Variants in OSBPL2 observed in about 807,000 individuals in gnomAD.
OSBPL2 encodes oxysterol-binding protein-related protein 2.
In OSBPL2, 18 loss-of-function variants were observed where a neutral mutation model predicts 58.4. The observed-to-expected ratio is 0.31, with a 90% confidence interval of 0.21 to 0.46. The LOEUF (loss-of-function observed/expected upper bound fraction) is 0.46. OSBPL2 is among the 20% of genes least tolerant of loss of function. The pLI, the probability that OSBPL2 is intolerant of heterozygous loss-of-function variation, is 1.00. For missense variants in OSBPL2, 461 were observed against 616.5 expected, an observed-to-expected ratio of 0.75 and a Z score of 2.67; for synonymous variants, 221 against 234.1, an observed-to-expected ratio of 0.94 and a Z score of 0.51.
At position 62,279,169 on chromosome 20, in the gene OSBPL2, A is replaced by G. The variant is rs1216111309; in HGVS notation, c.504A>G (p.Gly168=). ...TTCTTTGACCTAGGGAAGATTTAGG[A>G]TTCAGATTTATATCGGAACAGGTCA... ...ETYELIREDL[G]FRFISEQVSH... Residue 168 remains glycine, a synonymous_variant, in exon 7 of 14, where the codon GGA becomes GGG. Transcript: ENST00000313733. 4.3e-6 allele frequency: 7 copies of G among 1,609,348 alleles called. 1 individual carries two copies. In the South Asian group the frequency reaches 7.7e-5, roughly 18 times the overall value.
At chr20:62,278,571 CGTT>C (rs1982561091) in intron 6 of OSBPL2, 3 of 49,060 alleles carry the variant, frequency 6.1e-5, no homozygotes, top group African/African-American at 1.2e-4. Context: ...CTGTTGCCAA[CGTT>C]AGGCCGAGTG....
chr20:62,269,998 G>A lies in OSBPL2; in HGVS notation c.259-2127G>A, dbSNP rs796558133. Among the ~76,000 whole-genome samples, 2 of 152,360 alleles carry A rather than the reference G, an allele frequency of 1.3e-5. No homozygotes were observed. The highest frequency in any genetic ancestry group is 3.4e-3 in the Middle Eastern group (1 of 294). On this transcript the variant is annotated intron_variant, in intron 4 of 13. Coordinates refer to ENST00000313733, the MANE Select transcript of OSBPL2 (RefSeq NM_144498.4). This position sits in a 1 kb window ranked among gnomAD's most constrained non-coding sequence, Gnocchi z 4.2. ...GCGTCTGCCCTGTGCTCTCAGCCTC[G>A]GTCCCTGCACTCGTCCTTGACCCAG...
chr20:62,243,418 C>A (rs1979866910), intron 1 of OSBPL2, among the ~76,000 whole-genome samples: 1 of 152,122 alleles, frequency 6.6e-6, no homozygotes, highest in South Asian at 2.1e-4. Flanking sequence ...GCCCGAGGAG[C>A]CCTAGCGCCT....
chr20:62,241,032 G>A (rs1024122046), intron 1 of OSBPL2, among the ~76,000 whole-genome samples: 7 of 152,132 alleles, frequency 4.6e-5, no homozygotes, highest in African/African-American at 1.4e-4. Flanking sequence ...TCCACGCCTC[G>A]AGTGCGTTGA....
At position 62,272,364 on chromosome 20, in the gene OSBPL2, G is replaced by A. The variant is rs901277081; in HGVS notation, c.393+105G>A. The stretch of plus-strand genomic sequence containing the variant: ...CCAGGCATCTGTGAGGACTCGCACA[G>A]CTCCCCCCAGTGTTCAGTGCCATCC... On this transcript the variant is annotated intron_variant, in intron 5 of 13. Coordinates refer to ENST00000313733, the MANE Select transcript of OSBPL2 (RefSeq NM_144498.4). 29 of 1,260,784 alleles carry A rather than the reference G, an allele frequency of 2.3e-5. No individual in the cohort carries two copies. In the African/African-American group the frequency reaches 3.4e-4, roughly 15 times the overall value. 78.1% of individuals were successfully genotyped at this position (1,260,784 alleles called of 1,614,324 possible).
chr20:62,267,913 C>T (rs1242899417), intron 4 of OSBPL2, among the ~76,000 whole-genome samples: 2 of 152,064 alleles, frequency 1.3e-5, no homozygotes, highest in Admixed American at 6.5e-5. Context: ...GAGGGAGTCT[C>T]GCTCTGTCGC....
intron 1 of OSBPL2, among the ~76,000 whole-genome samples, chr20:62,251,988 C>T (rs1018385151): frequency 7.0e-6 from 1 of 142,092 alleles, no homozygotes; most frequent in Non-Finnish European, 1.5e-5. Context: ...CTCGAGTGAT[C>T]CTTCCACTTC....
chr20:62,286,005 G>A (rs6089342), intron 10 of OSBPL2: 65,577 of 157,412 alleles, frequency 0.42, 14,156 homozygotes, highest in East Asian at 0.52. Context: ...GACCTCTGTC[G>A]TCTCCACTCT....
chr20:62,255,498 ATTATTTATTTGT>A (rs1980861460), intron 1 of OSBPL2, among the ~76,000 whole-genome samples: 1 of 151,266 alleles, frequency 6.6e-6, no homozygotes, highest in Admixed American at 6.6e-5. Flanking sequence ...TTTTATTTTA[ATTATTTATTTGT>A]TTATTTATTT....
chr20:62,294,077 C>T lies in OSBPL2; in HGVS notation c.*190C>T, dbSNP rs181087500. 33 of 732,046 alleles carry T rather than the reference C, an allele frequency of 4.5e-5. No individual in the cohort carries two copies. In the African/African-American group the frequency reaches 4.6e-4, roughly 10 times the overall value. 45.3% of individuals were successfully genotyped at this position (732,046 alleles called of 1,614,324 possible). A position where few individuals can be genotyped will look rare whatever the true frequency, so the allele number is the denominator to read the frequency against. On this transcript the variant is annotated 3_prime_UTR_variant, in exon 14 of 14. Transcript: ENST00000313733. The stretch of plus-strand genomic sequence containing the variant: ...TGCCAAACATTTCACTCTGCTGTGC[C>T]GTCTCTTCATAAAGCTTCACTTGGG...
chr20:62,269,043 T>C lies in OSBPL2; in HGVS notation c.259-3082T>C, dbSNP rs1038389691. Among the ~76,000 whole-genome samples the C allele has an allele frequency of 1.9e-4, 28 of 151,302 alleles. No individual in the cohort carries two copies. The highest frequency in any genetic ancestry group is 5.3e-4 in the African/African-American group (22 of 41,212). ...CATTGCACTGCTGCCTAGGCGACAGTGTGAGACTCCAACTCAAAAAAAAAA... is the reference window on the plus strand; with the variant it reads ...CATTGCACTGCTGCCTAGGCGACAGCGTGAGACTCCAACTCAAAAAAAAAA... On this transcript the variant is annotated intron_variant, in intron 4 of 13. Coordinates refer to ENST00000313733, the MANE Select transcript of OSBPL2 (RefSeq NM_144498.4). This position sits in a 1 kb window ranked among gnomAD's most constrained non-coding sequence, Gnocchi z 4.2.
intron 7 of OSBPL2, chr20:62,279,637 G>A (rs879692546): frequency 9.8e-5 from 45 of 457,530 alleles, no homozygotes; most frequent in Middle Eastern, 5.9e-4. Flanking sequence ...AACTCACCCC[G>A]CTTTCCGGCA....
intron 1 of OSBPL2, among the ~76,000 whole-genome samples, chr20:62,255,719 G>A (rs1980879058): frequency 6.6e-6 from 1 of 152,118 alleles, no homozygotes; most frequent in Non-Finnish European, 1.5e-5. Flanking sequence ...TGGCCAGGCT[G>A]GTCCCAAGCT....
At chr20:62,287,054 G>A (rs1043685608) in intron 11 of OSBPL2, among the ~76,000 whole-genome samples, 3 of 152,262 alleles carry the variant, frequency 2.0e-5, no homozygotes, top group Non-Finnish European at 2.9e-5. Context: ...TCAGACAGAC[G>A]TGGCCATTGC....
chr20:62,263,531 A>C lies in OSBPL2; in HGVS notation c.183-85A>C. 4 of 1,072,496 alleles carry C rather than the reference A, an allele frequency of 3.7e-6. No individual in the cohort carries two copies. The South Asian group carries it at 3.8e-5, about 10-fold the overall frequency. 66.4% of individuals were successfully genotyped at this position (1,072,496 alleles called of 1,614,324 possible). ...CAATGTTTAGGAGTAAAAATTAAAGAGAAATCGTCATTGAGCACAGCCTCC... is the reference window on the plus strand; with the variant it reads ...CAATGTTTAGGAGTAAAAATTAAAGCGAAATCGTCATTGAGCACAGCCTCC... On this transcript the variant is annotated intron_variant, in intron 3 of 13. Transcript: ENST00000313733.
chr20:62,294,018 C>T lies in OSBPL2; in HGVS notation c.*131C>T. 3 of 1,195,868 alleles carry T rather than the reference C, an allele frequency of 2.5e-6. No individual in the cohort carries two copies. The highest frequency in any genetic ancestry group is 3.4e-6 in the Non-Finnish European group (3 of 878,254). The allele number at this position is 1,195,868 out of a possible 1,614,324, so 74.1% of individuals were successfully genotyped here. On this transcript the variant is annotated 3_prime_UTR_variant, in exon 14 of 14. Transcript: ENST00000313733. ...TGAGTTCGCGGAGATAGCATCATCC[C>T]TGATCAAGGATGTAATTCTAATTAA...
intron 1 of OSBPL2, among the ~76,000 whole-genome samples, chr20:62,241,329 A>G (rs894186047): frequency 6.6e-6 from 1 of 152,208 alleles, no homozygotes; most frequent in African/African-American, 2.4e-5. Context: ...AGTAGCTGGG[A>G]CTACAGGCGC....
intron 11 of OSBPL2, 110 bp from the exon 12 acceptor site, chr20:62,289,097 T>C: frequency 8.1e-7 from 1 of 1,233,682 alleles, no homozygotes; most frequent in Non-Finnish European, 1.1e-6. Context: ...GTTCCCATGG[T>C]GGCAGTCAGG....
intron 6 of OSBPL2, chr20:62,278,885 A>T: frequency 2.5e-6 from 1 of 406,514 alleles, no homozygotes; most frequent in Non-Finnish European, 4.3e-6. Context: ...GTTTGTTGCC[A>T]ACGTTAGGCC....
Sources: gnomAD v4.1 joint callset for allele counts (sites outside exome capture counted in the v4.1 genomes callset) on GRCh38, gnomAD v4.1.1 for gene constraint, Gnocchi (gnomAD v3.1) non-coding constraint, MANE v1.5 for transcripts, NCBI Gene and HGNC (gene_info 2026-07-23, HGNC 2026-07-21) for gene names.